The following ATF3 variants were observed in gnomAD, a reference collection of about 807,000 sequenced individuals.
ATF3 encodes activating transcription factor 3.
A neutral mutation model predicts 18.4 loss-of-function variants in ATF3; 10 were observed. The observed-to-expected ratio is 0.54, with a 90% CI of 0.34 to 0.92. The LOEUF (loss-of-function observed/expected upper bound fraction) is 0.92. Ranked by LOEUF, ATF3 falls within the 40% of genes least tolerant of loss-of-function variation. The pLI is 0.02. For missense variants in ATF3, 183 were observed against 222.3 expected, an observed-to-expected ratio of 0.82 and a Z score of 1.12; for synonymous variants, 78 against 87.9, an observed-to-expected ratio of 0.89 and a Z score of 0.63.
chr1:212,612,645 G>A (rs1450487827), intron 1 of ATF3, among the ~76,000 whole-genome samples: 2 of 152,240 alleles, frequency 1.3e-5, no homozygotes, highest in Non-Finnish European at 2.9e-5. Context: ...AAGAACTTCA[G>A]TTCTGACTCA....
At chr1:212,567,421 T>C (rs915578224) in intron 1 of ATF3, among the ~76,000 whole-genome samples, 1 of 152,220 alleles carries the variant, frequency 6.6e-6, no homozygotes, top group African/African-American at 2.4e-5. Context: ...GAAAATGCTC[T>C]CAGGAAAAAC....
chr1:212,598,637 C>A (rs1401250193), intron 1 of ATF3, among the ~76,000 whole-genome samples: 2 of 152,220 alleles, frequency 1.3e-5, no homozygotes, highest in African/African-American at 4.8e-5. Flanking sequence ...CTCTGGTAAC[C>A]ATCCTTCTAC....
intron 1 of ATF3, among the ~76,000 whole-genome samples, chr1:212,593,511 G>A (rs1664929197): frequency 6.6e-6 from 1 of 151,720 alleles, no homozygotes. Context: ...GAAGTGGGAG[G>A]GTGGCTTGAG....
chr1:212,591,779 T>C (rs148897068), intron 1 of ATF3, among the ~76,000 whole-genome samples: 120 of 152,308 alleles, frequency 7.9e-4, no homozygotes, highest in African/African-American at 2.8e-3. Flanking sequence ...CGCACACTTT[T>C]CTTTTATGGG....
chr1:212,596,365 T>C (rs542457101), intron 1 of ATF3, among the ~76,000 whole-genome samples: 1 of 152,270 alleles, frequency 6.6e-6, no homozygotes, highest in Non-Finnish European at 1.5e-5. Context: ...ATCAGAGAGA[T>C]GTTTCTAAGA....
At chr1:212,572,716 C>T (rs1664507231) in intron 1 of ATF3, among the ~76,000 whole-genome samples, 1 of 152,096 alleles carries the variant, frequency 6.6e-6, no homozygotes, top group Non-Finnish European at 1.5e-5. Context: ...CCTGCATTTC[C>T]CAATAGCATT....
Position 212,615,275 on chromosome 1 carries a change from C to T in ATF3, c.240+14C>T, listed in dbSNP as rs892541846. 1 of 1,613,052 alleles carries T rather than the reference C, an allele frequency of 6.2e-7. No individual in the cohort carries two copies. The highest frequency in any genetic ancestry group is 8.5e-7 in the Non-Finnish European group (1 of 1,179,284). The stretch of plus-strand genomic sequence containing the variant: ...ACAAAAGCCGAGGTGGGTTCTATCA[C>T]AGGTATTCATTCTTTCGGCACATGT... On this transcript the variant is annotated intron_variant, in intron 2 of 3. Transcript: ENST00000341491.
At chr1:212,591,643 T>C (rs1664887878) in intron 1 of ATF3, among the ~76,000 whole-genome samples, 1 of 152,148 alleles carries the variant, frequency 6.6e-6, no homozygotes, top group Admixed American at 6.5e-5. Context: ...AGTAAGGCAT[T>C]CTGCAGTCAT....
rs538159445 is a variant in ATF3, at chr1:212,568,580, G to A, written c.-5+3097G>A. 2.0e-5 allele frequency among the ~76,000 whole-genome samples: 3 copies of A among 152,310 alleles called. No homozygotes were observed. The South Asian group carries it at 6.2e-4, about 32-fold the overall frequency. ...TACTTCAAGTAGTAAATTTAAGCCA[G>A]TCCATTCATGGCAAATCAATCCAAA... is the stretch of plus-strand genomic sequence containing the variant. On this transcript the variant is annotated intron_variant, in intron 1 of 3. Coordinates refer to the ATF3 transcript ENST00000366981.
In ATF3 at chr1:212,619,672, G is replaced by A. The variant is rs1224614565; in HGVS notation, c.*117G>A. The A allele has an allele frequency of 1.4e-6, 2 of 1,426,090 alleles. No homozygotes were observed. Among genetic ancestry groups the A allele is most frequent in the Non-Finnish European group, 1.9e-6 (2 of 1,041,772 alleles). 88.3% of individuals were successfully genotyped at this position (1,426,090 alleles called of 1,614,324 possible). On this transcript the variant is annotated 3_prime_UTR_variant, in exon 4 of 4. Coordinates refer to ENST00000341491, the MANE Select transcript of ATF3 (RefSeq NM_001674.4). The surrounding 1 kb of genome is among the most constrained non-coding windows in gnomAD (Gnocchi z 4.4). ...GTACCTCTAGAATCCCAGCAGCAGAGAACCATCAAGGCGGGAGGGCCTGCA... is the reference window on the plus strand; with the variant it reads ...GTACCTCTAGAATCCCAGCAGCAGAAAACCATCAAGGCGGGAGGGCCTGCA...
intron 1 of ATF3, among the ~76,000 whole-genome samples, chr1:212,612,940 T>C (rs955492791): frequency 1.3e-5 from 2 of 152,214 alleles, no homozygotes; most frequent in African/African-American, 4.8e-5. Context: ...AAGAATGTTT[T>C]CCAGGGCATA....
At position 212,618,915 on chromosome 1, in the gene ATF3, C is replaced by A; in HGVS notation, c.349-443C>A. The A allele has an allele frequency of 8.3e-7, 1 of 1,207,318 alleles. No individual in the cohort carries two copies. Among genetic ancestry groups the A allele is most frequent in the Non-Finnish European group, 1.2e-6 (1 of 838,338 alleles). 74.8% of individuals were successfully genotyped at this position (1,207,318 alleles called of 1,614,324 possible). ...AGATCCCCAAAAGTTCTGTTGATTG[C>A]TTCAGGGGATCAGTGAAAATTAGGG... On this transcript the variant is annotated intron_variant, in intron 3 of 3. Transcript: ENST00000341491. This position sits in a 1 kb window ranked among gnomAD's most constrained non-coding sequence, Gnocchi z 4.4.
intron 1 of ATF3, among the ~76,000 whole-genome samples, chr1:212,594,358 A>G (rs1325820172): frequency 1.3e-5 from 2 of 152,194 alleles, no homozygotes; most frequent in African/African-American, 4.8e-5. Flanking sequence ...TTAAATACAA[A>G]TAACTTATTT....
chr1:212,571,803 C>G (rs1664488136), intron 1 of ATF3, among the ~76,000 whole-genome samples: 1 of 151,908 alleles, frequency 6.6e-6, no homozygotes, highest in Admixed American at 6.5e-5. Context: ...GCTCCGCCTC[C>G]CGGGTTCACG....
intron 1 of ATF3, among the ~76,000 whole-genome samples, chr1:212,579,617 T>C (rs1047405997): frequency 2.5e-4 from 38 of 152,148 alleles, no homozygotes; most frequent in Admixed American, 2.3e-3. Flanking sequence ...GAAGACGCAT[T>C]GGTGTAAGAG....
In ATF3 at chr1:212,619,414, C is replaced by T; in HGVS notation, c.405C>T (p.Leu135=). 2 of 1,614,060 alleles carry T rather than the reference C, an allele frequency of 1.2e-6. No individual in the cohort carries two copies. Among genetic ancestry groups the T allele is most frequent in the Non-Finnish European group, 1.7e-6 (2 of 1,180,036 alleles). ...AACTGAAGGCTCAGATTGAGGAGCT[C>T]AAGAACGAGAAGCAGCATTTGATAT... ...NAELKAQIEE[L]KNEKQHLIYM... The change falls in exon 4 of 4, where the codon CTC becomes CTT. Residue 135 remains leucine, a synonymous_variant. Coordinates refer to ENST00000341491, the MANE Select transcript of ATF3 (RefSeq NM_001674.4). This position sits in a 1 kb window ranked among gnomAD's most constrained non-coding sequence, Gnocchi z 4.4.
intron 1 of ATF3, among the ~76,000 whole-genome samples, chr1:212,600,414 C>G (rs1418816072): frequency 6.6e-6 from 1 of 152,262 alleles, no homozygotes; most frequent in Non-Finnish European, 1.5e-5. Flanking sequence ...AATTGCCTCA[C>G]TGTTCTCCAA....
Position 212,619,158 on chromosome 1 carries a change from C to T in ATF3, c.349-200C>T, listed in dbSNP as rs1655259755. 3 of 1,613,746 alleles carry T rather than the reference C, an allele frequency of 1.9e-6. No homozygotes were observed. The highest frequency in any genetic ancestry group is 2.2e-5 in the East Asian group (1 of 44,890). ...GCAGAGCCACAGGCCGCCTCTGTGG[C>T]ATCACCAGGGTTTCTCTGAAGAAGA... On this transcript the variant is annotated intron_variant, in intron 3 of 3. Transcript: ENST00000341491. The surrounding 1 kb of genome is among the most constrained non-coding windows in gnomAD (Gnocchi z 4.4).
intron 1 of ATF3, among the ~76,000 whole-genome samples, chr1:212,599,226 A>G (rs781355662): frequency 3.9e-5 from 6 of 152,194 alleles, no homozygotes; most frequent in Admixed American, 6.5e-5. Flanking sequence ...CTAAGTTGTA[A>G]TCTCTTTGTG....
Sources: gnomAD v4.1 joint callset for allele counts (sites outside exome capture counted in the v4.1 genomes callset) on GRCh38, gnomAD v4.1.1 for gene constraint, Gnocchi (gnomAD v3.1) non-coding constraint, MANE v1.5 for transcripts, NCBI Gene and HGNC (gene_info 2026-07-23, HGNC 2026-07-21) for gene names.